Variants in CAMLG observed in about 807,000 individuals in gnomAD.
CAMLG encodes the protein guided entry of tail-anchored proteins factor CAMLG.
In CAMLG, 23 loss-of-function variants were observed where a neutral mutation model predicts 28.9. The observed-to-expected ratio is 0.80, with a 90% CI of 0.57 to 1.13. The LOEUF is 1.13. CAMLG is among the 50% of genes most tolerant of loss of function. CAMLG has a pLI of 0.00. For missense variants in CAMLG, 367 were observed against 371.9 expected (o/e 0.99, Z 0.11); for synonymous variants, 141 against 146.5 (o/e 0.96, Z 0.27).
Position 134,738,632 on chromosome 5 carries a change from G to A in CAMLG, c.12G>A (p.Met4Ile). 1 of 1,611,162 alleles carries A rather than the reference G, an allele frequency of 6.2e-7. No homozygotes were observed. The highest frequency in any genetic ancestry group is 1.3e-5 in the African/African-American group (1 of 74,992). Residue 4 changes from methionine to isoleucine, a missense_variant, in exon 1 of 4, where the codon ATG becomes ATA. By Grantham distance (10) the Met-to-Ile change is conservative (BLOSUM62 1). Coordinates refer to ENST00000297156, the MANE Select transcript of CAMLG (RefSeq NM_001745.4). MESMAVATDGGERP... is the reference protein window; with the variant it reads MESIAVATDGGERP... ...CTGTGGACGGGAGGATGGAGTCGAT[G>A]GCCGTCGCTACCGACGGCGGGGAGA...
intron 3 of CAMLG, among the ~76,000 whole-genome samples, chr5:134,744,894 T>C (rs1451770839): frequency 2.6e-5 from 4 of 152,152 alleles, no homozygotes; most frequent in Non-Finnish European, 2.9e-5. Context: ...ACTACAGATA[T>C]ATACAGTTTT....
In CAMLG at chr5:134,751,130, G is replaced by A. The variant is rs962810596; in HGVS notation, c.*180G>A. On this transcript the variant is annotated 3_prime_UTR_variant, in exon 4 of 4. Coordinates refer to ENST00000297156, the MANE Select transcript of CAMLG (RefSeq NM_001745.4). ...TCTCTGATTTAAAAGGGCTGAGTTT[G>A]TATTATTACTGATATGAAGAATAGA... 3.8e-6 allele frequency: 2 copies of A among 525,758 alleles called. No individual in the cohort carries two copies. Among genetic ancestry groups the A allele is most frequent in the Admixed American group, 3.3e-5 (1 of 30,298 alleles). 32.6% of individuals were successfully genotyped at this position (525,758 alleles called of 1,614,324 possible).
At chr5:134,747,430 G>A (rs1023479626) in intron 3 of CAMLG, among the ~76,000 whole-genome samples, 2 of 150,654 alleles carry the variant, frequency 1.3e-5, no homozygotes, top group Non-Finnish European at 3.0e-5. Flanking sequence ...TGCAAGCTCC[G>A]CCTTCCGGGT....
chr5:134,739,374 A>C (rs927762320), intron 1 of CAMLG, among the ~76,000 whole-genome samples: 1 of 152,138 alleles, frequency 6.6e-6, no homozygotes, highest in Non-Finnish European at 1.5e-5. Context: ...GGCCGGCTAG[A>C]AAAGGTGGGA....
In CAMLG at chr5:134,738,591, T is replaced by C; in HGVS notation, c.-30T>C. The C allele has an allele frequency of 1.3e-6, 2 of 1,558,328 alleles. No homozygotes were observed. The highest frequency in any genetic ancestry group is 1.7e-6 in the Non-Finnish European group (2 of 1,154,502). On this transcript the variant is annotated 5_prime_UTR_variant, in exon 1 of 4. Coordinates refer to ENST00000297156, the MANE Select transcript of CAMLG (RefSeq NM_001745.4). The stretch of plus-strand genomic sequence containing the variant: ...CAGCGGCGGCCAACATCACCGCCAC[T>C]GCCACCCCTCCCAGACTGTGGACGG...
chr5:134,741,108 T>C lies in CAMLG; in HGVS notation c.218T>C (p.Leu73Pro), dbSNP rs765022749. 4.3e-6 allele frequency: 7 copies of C among 1,614,134 alleles called. No homozygotes were observed. The highest frequency in any genetic ancestry group is 2.2e-5 in the East Asian group (1 of 44,890). Reference sequence around the variant, plus strand: ...TCAAAGCAGCAGGACAGTGATAAACTGAACTCCCTCAGCGTTCCTTCCGTT... The same window carrying C: ...TCAAAGCAGCAGGACAGTGATAAACCGAACTCCCTCAGCGTTCCTTCCGTT... ...TKSKQQDSDK[L>P]NSLSVPSVSK... The change falls in exon 2 of 4, where the codon CTG becomes CCG. Residue 73 changes from leucine (L) to proline (P), a missense_variant. Physicochemically the swap from Leu to Pro is moderately conservative, Grantham distance 98. Transcript: ENST00000297156.
chr5:134,744,078 C>T (rs773263531), intron 3 of CAMLG, 26 bp downstream of exon 3: 74 of 1,024,608 alleles, frequency 7.2e-5, no homozygotes, highest in Non-Finnish European at 9.9e-5. Flanking sequence ...TTCTAAATTT[C>T]GATGATGTGT....
intron 1 of CAMLG, among the ~76,000 whole-genome samples, chr5:134,739,432 C>A (rs1262829888): frequency 6.6e-6 from 1 of 152,174 alleles, no homozygotes; most frequent in Non-Finnish European, 1.5e-5. Flanking sequence ...GCGAAGTGCA[C>A]ACCTGAGAGT....
intron 2 of CAMLG, 63 bp downstream of exon 2, chr5:134,741,586 G>C: frequency 9.7e-7 from 1 of 1,035,974 alleles, no homozygotes; most frequent in Non-Finnish European, 1.4e-6. Context: ...TAATAATTAT[G>C]AGTGCTTTTG....
chr5:134,743,654 TC>T (rs1486176676), intron 2 of CAMLG, among the ~76,000 whole-genome samples: 2 of 151,334 alleles, frequency 1.3e-5, no homozygotes, highest in Non-Finnish European at 2.9e-5. Context: ...GATCACGAGG[TC>T]AGGAGTTCTA....
chr5:134,741,086 AAGC>A lies in CAMLG; in HGVS notation c.202_204del (p.Gln68del). 1 of 1,611,320 alleles carries A rather than the reference AAGC, an allele frequency of 6.2e-7. No individual in the cohort carries two copies. The highest frequency in any genetic ancestry group is 8.5e-7 in the Non-Finnish European group (1 of 1,177,600). On this transcript the variant is annotated inframe_deletion, in exon 2 of 4. Coordinates refer to ENST00000297156, the MANE Select transcript of CAMLG (RefSeq NM_001745.4). ...AGAAGAAGAAAGTCAAACAAAATCA[AAGC>A]AGCAGGACAGTGATAAACTGAACTC...
chr5:134,738,763 T>TG lies in CAMLG; in HGVS notation c.146dup (p.Phe50LeufsTer22), dbSNP rs1752949570. 5 of 1,614,122 alleles carry TG rather than the reference T, an allele frequency of 3.1e-6. No individual in the cohort carries two copies. Among genetic ancestry groups the TG allele is most frequent in the Non-Finnish European group, 2.5e-6 (3 of 1,180,016 alleles). ...TCGGAACAGCGCATCAACCGGATCA[T>TG]GGGCTTTCACAGGCCCGGGAGCGGC... On this transcript the variant is annotated frameshift_variant, in exon 1 of 4. Transcript: ENST00000297156. LOFTEE classifies it high-confidence loss of function.
chr5:134,743,049 T>TTTG (rs376937831), intron 2 of CAMLG, among the ~76,000 whole-genome samples: 3 of 152,044 alleles, frequency 2.0e-5, no homozygotes, highest in Non-Finnish European at 4.4e-5. Context: ...AGCATTTAGT[T>TTTG]TTGTTGTTGT....
intron 3 of CAMLG, among the ~76,000 whole-genome samples, chr5:134,747,902 G>A (rs1319422059): frequency 1.5e-5 from 2 of 134,192 alleles, no homozygotes; most frequent in East Asian, 2.2e-4. Context: ...TTGCTCTTTC[G>A]CCAGGCTGGA....
chr5:134,745,762 AAG>A (rs1753040216), intron 3 of CAMLG, among the ~76,000 whole-genome samples: 2 of 151,738 alleles, frequency 1.3e-5, no homozygotes, highest in African/African-American at 2.4e-5. Flanking sequence ...AAAAAAAAAA[AAG>A]AAAATCACCT....
At chr5:134,739,464 AT>A (rs1243069192) in intron 1 of CAMLG, among the ~76,000 whole-genome samples, 4 of 152,134 alleles carry the variant, frequency 2.6e-5, no homozygotes, top group Admixed American at 1.3e-4. Flanking sequence ...ATGAGGGGAT[AT>A]TGTTGTGATT....
chr5:134,749,249 T>G (rs1753085569), intron 3 of CAMLG, among the ~76,000 whole-genome samples: 2 of 152,132 alleles, frequency 1.3e-5, no homozygotes. Context: ...TTTGTATTTT[T>G]AGTAGAGACG....
In CAMLG at chr5:134,741,512, T is replaced by A; in HGVS notation, c.622T>A (p.Cys208Ser). 1 of 1,592,738 alleles carries A rather than the reference T, an allele frequency of 6.3e-7. No individual in the cohort carries two copies. Among genetic ancestry groups the A allele is most frequent in the Non-Finnish European group, 8.6e-7 (1 of 1,165,246 alleles). The part of the protein sequence containing the change: ...LLALGVRAFV[C>S]KYLSIFAPFL... ...TGCTCTTGGAGTCAGAGCTTTTGTT[T>A]GCAAATACTTGGTAAGAAAAGATCT... Residue 208 changes from cysteine (C) to serine (S), a missense_variant, in exon 2 of 4, where the codon TGC (cysteine) becomes AGC (serine). Coordinates refer to ENST00000297156, the MANE Select transcript of CAMLG (RefSeq NM_001745.4).
rs756179860 is a variant in CAMLG, at chr5:134,743,704, A to G, written c.634-283A>G. Among the ~76,000 whole-genome samples the G allele has an allele frequency of 5.9e-5, 9 of 152,160 alleles. No homozygotes were observed. In the South Asian group the frequency reaches 1.9e-3, roughly 32 times the overall value. The stretch of plus-strand genomic sequence containing the variant: ...AACATGGTGAAACCCTGTCTCTACT[A>G]AAAATACAAAAATTAGCCAGGTGTG... On this transcript the variant is annotated intron_variant, in intron 2 of 3. Transcript: ENST00000297156.
Sources: gnomAD v4.1 joint callset for allele counts (sites outside exome capture counted in the v4.1 genomes callset) on GRCh38, gnomAD v4.1.1 for gene constraint, MANE v1.5 for transcripts, NCBI Gene and HGNC (gene_info 2026-07-23, HGNC 2026-07-21) for gene names.